Variants in ABTB2 observed in about 807,000 individuals in gnomAD.
The protein encoded by ABTB2 is ankyrin repeat and BTB domain containing 2.
Under a neutral mutation model 104.1 loss-of-function variants are expected in ABTB2, and 56 were observed. That is an observed-to-expected ratio of 0.54 (90% CI 0.43 to 0.67). ABTB2 has a LOEUF of 0.67. Ranked by LOEUF, ABTB2 falls within the 30% of genes least tolerant of loss-of-function variation. The probability of loss-of-function intolerance (pLI) is 0.00; values close to 1 mark genes in which losing one functional copy is unlikely to be tolerated. For synonymous variants in ABTB2, 606 were observed against 608.2 expected (o/e 1.00, Z 0.05); for missense variants, 1,279 against 1,407.7 (o/e 0.91, Z 1.46).
chr11:34,194,921 T>C (rs919804016), intron 3 of ABTB2, among the ~76,000 whole-genome samples: 1 of 152,084 alleles, frequency 6.6e-6, no homozygotes, highest in Non-Finnish European at 1.5e-5. Context: ...CGTAAACACA[T>C]GCACGTGTGT....
rs865935177 is a variant in ABTB2 at position 34,151,985 on chromosome 11, G to T, written c.*402C>A. On this transcript the variant is annotated 3_prime_UTR_variant, in exon 17 of 17. Coordinates refer to ENST00000435224, the MANE Select transcript of ABTB2 (RefSeq NM_145804.3). ...ATTCTATACATTCATAAGGATTCCT[G>T]TACCCCCAGGAGCCCCAGTTGGGAT... 21 of 228,194 alleles carry T rather than the reference G, an allele frequency of 9.2e-5. No homozygotes were observed. The highest frequency in any genetic ancestry group is 3.6e-4 in the Admixed American group (7 of 19,356). The allele number at this position is 228,194 out of a possible 1,614,324, so 14.1% of individuals were successfully genotyped here. A position where few individuals can be genotyped will look rare whatever the true frequency, so the allele number is the denominator to read the frequency against.
chr11:34,164,607 C>A, intron 9 of ABTB2, 79 bp downstream of exon 9: 1 of 1,373,938 alleles, frequency 7.3e-7, no homozygotes, highest in South Asian at 1.8e-5. Flanking sequence ...CTCTTTTGCT[C>A]CCATCGGGGA....
rs539246916 is a variant in ABTB2, at chr11:34,311,834, C to T, written c.883+44867G>A. On this transcript the variant is annotated intron_variant, in intron 1 of 16. Coordinates refer to ENST00000435224, the MANE Select transcript of ABTB2 (RefSeq NM_145804.3). ...TGCTGGAGCAGGACTTCTAATGACC[C>T]GTTCATTCAGAGAAAGCCAATGGGG... Among the ~76,000 whole-genome samples the T allele has an allele frequency of 3.9e-5, 6 of 152,256 alleles. No individual in the cohort carries two copies. The East Asian group carries it at 5.8e-4, about 15-fold the overall frequency.
chr11:34,305,124 C>T (rs979305969), intron 1 of ABTB2, among the ~76,000 whole-genome samples: 1 of 152,194 alleles, frequency 6.6e-6, no homozygotes, highest in Admixed American at 6.5e-5. Flanking sequence ...AAAACATGGG[C>T]TCTGAATGAA....
In ABTB2 at chr11:34,152,274, G is replaced by T; in HGVS notation, c.*113C>A. On this transcript the variant is annotated 3_prime_UTR_variant, in exon 17 of 17. Transcript: ENST00000435224. ...GTGACAGGGGGGACATCTGGGGGAG[G>T]AGGAGGAAACAGCCCCGTGAACCTG... is the stretch of plus-strand genomic sequence containing the variant. 8.5e-7 allele frequency: 1 copy of T among 1,179,600 alleles called. No individual in the cohort carries two copies. Among genetic ancestry groups the T allele is most frequent in the Non-Finnish European group, 1.2e-6 (1 of 851,582 alleles). 73.1% of individuals were successfully genotyped at this position (1,179,600 alleles called of 1,614,324 possible). A position where few individuals can be genotyped will look rare whatever the true frequency, so the allele number is the denominator to read the frequency against.
intron 4 of ABTB2, among the ~76,000 whole-genome samples, chr11:34,172,111 G>A (rs1011586644): frequency 6.6e-6 from 1 of 151,960 alleles, no homozygotes; most frequent in South Asian, 2.1e-4. Flanking sequence ...AGTGGCTCAC[G>A]CCTGTAATCC....
chr11:34,210,183 T>G (rs74785839), intron 1 of ABTB2, among the ~76,000 whole-genome samples: 2,700 of 152,218 alleles, frequency 0.018, 85 homozygotes, highest in African/African-American at 0.063. Flanking sequence ...AAGGCCAAAT[T>G]GATGGGGATT....
At chr11:34,166,489 T>C (rs1210869841) in intron 7 of ABTB2, among the ~76,000 whole-genome samples, 2 of 152,204 alleles carry the variant, frequency 1.3e-5, no homozygotes, top group Admixed American at 1.3e-4. Context: ...TGGTGGCCAG[T>C]GGGTAACAGC....
intron 3 of ABTB2, among the ~76,000 whole-genome samples, chr11:34,181,479 A>T (rs1345998438): frequency 6.6e-6 from 1 of 152,138 alleles, no homozygotes; most frequent in East Asian, 1.9e-4. Flanking sequence ...GGCCCCAAGC[A>T]CAAGCCTCGG....
chr11:34,342,221 C>G (rs7928840), intron 1 of ABTB2, among the ~76,000 whole-genome samples: 9,317 of 152,268 alleles, frequency 0.061, 333 homozygotes, highest in East Asian at 0.14. Flanking sequence ...GTGCTTCATA[C>G]GGTATTATCT....
chr11:34,282,905 A>G, intron 1 of ABTB2, among the ~76,000 whole-genome samples: 1 of 149,744 alleles, frequency 6.7e-6, no homozygotes, highest in East Asian at 2.0e-4. Context: ...AAATTTTAAA[A>G]AGTCTTTTTC....
intron 1 of ABTB2, among the ~76,000 whole-genome samples, chr11:34,312,140 CAAAAA>C (rs67673538): frequency 9.0e-6 from 1 of 111,166 alleles, no homozygotes; most frequent in Non-Finnish European, 1.9e-5. Flanking sequence ...GACTCCATCT[CAAAAA>C]AAAAAAAAAA....
At chr11:34,355,002 AC>A (rs1280528836) in intron 1 of ABTB2, among the ~76,000 whole-genome samples, 2 of 152,228 alleles carry the variant, frequency 1.3e-5, no homozygotes, top group African/African-American at 4.8e-5. Context: ...GTGAGGCACA[AC>A]AAGCAGCTGT....
chr11:34,261,226 G>A (rs1854184129), intron 1 of ABTB2, among the ~76,000 whole-genome samples: 1 of 152,076 alleles, frequency 6.6e-6, no homozygotes, highest in South Asian at 2.1e-4. Context: ...ATAGAGAAAG[G>A]ATATAAGTTA....
At position 34,154,340 on chromosome 11, in the gene ABTB2, C is replaced by T; in HGVS notation, c.2805G>A (p.Leu935=). The T allele has an allele frequency of 6.2e-7, 1 of 1,613,884 alleles. No homozygotes were observed. The highest frequency in any genetic ancestry group is 8.5e-7 in the Non-Finnish European group (1 of 1,179,970). ...AGCACAGGATCTCGCAGTGCCTCTG[C>T]AGGGCATCCAGCTGGAACAGGCTGG... is the stretch of plus-strand genomic sequence containing the variant. ...SAASLFQLDA[L]QRHCEILCSQ... The change falls in exon 16 of 17, where the codon CTG becomes CTA. Residue 935 remains leucine (L), a synonymous_variant. Transcript: ENST00000435224. This position sits in a 1 kb window ranked among gnomAD's most constrained non-coding sequence, Gnocchi z 4.9.
intron 1 of ABTB2, among the ~76,000 whole-genome samples, chr11:34,334,782 T>C (rs1411720660): frequency 2.2e-5 from 3 of 137,780 alleles, no homozygotes; most frequent in South Asian, 2.3e-4. Flanking sequence ...TTTTTTTTTT[T>C]CGTAACCAAA....
intron 1 of ABTB2, among the ~76,000 whole-genome samples, chr11:34,272,302 C>CAA (rs60997940): frequency 0.061 from 4,902 of 80,566 alleles, 447 homozygotes; most frequent in African/African-American, 0.18. Context: ...CAGGAAGCTG[C>CAA]AAAAAAAAAA....
intron 1 of ABTB2, among the ~76,000 whole-genome samples, chr11:34,270,653 T>C (rs1240755193): frequency 1.3e-5 from 2 of 152,128 alleles, no homozygotes; most frequent in Non-Finnish European, 2.9e-5. Context: ...GGGCTTTCCT[T>C]CCTCCACCTC....
intron 1 of ABTB2, among the ~76,000 whole-genome samples, chr11:34,306,419 G>A (rs946191577): frequency 4.6e-5 from 7 of 151,618 alleles, no homozygotes; most frequent in Admixed American, 6.6e-5. Context: ...GTTAATTTTT[G>A]TATTTTTAGT....
Sources: gnomAD v4.1 joint callset for allele counts (sites outside exome capture counted in the v4.1 genomes callset) on GRCh38, gnomAD v4.1.1 for gene constraint, Gnocchi (gnomAD v3.1) non-coding constraint, MANE v1.5 for transcripts, NCBI Gene and HGNC (gene_info 2026-07-23, HGNC 2026-07-21) for gene names.